The following CNTN3 variants were observed in gnomAD, a reference collection of about 807,000 sequenced individuals.
The protein encoded by CNTN3 is contactin-3.
A neutral mutation model predicts 119.1 loss-of-function variants in CNTN3; 60 were observed. That is an observed-to-expected ratio of 0.50 (90% confidence interval 0.41 to 0.62). The LOEUF (loss-of-function observed/expected upper bound fraction) is 0.62, where lower values mean the gene tolerates loss of function less well. CNTN3 is among the 20% of genes least tolerant of loss of function. CNTN3 has a pLI of 0.00. For synonymous variants in CNTN3, 450 were observed against 438.7 expected (o/e 1.03, Z -0.32); for missense variants, 1,101 against 1,242.4 (o/e 0.89, Z 1.71).
chr3:74,313,146 G>GA lies in CNTN3; in HGVS notation c.1669-10340dup, dbSNP rs1229836625. 2.0e-5 allele frequency among the ~76,000 whole-genome samples: 3 copies of GA among 151,544 alleles called. No individual in the cohort carries two copies. The East Asian group carries it at 5.8e-4, about 29-fold the overall frequency. On this transcript the variant is annotated intron_variant, in intron 13 of 22. Coordinates refer to ENST00000263665, the MANE Select transcript of CNTN3 (RefSeq NM_020872.3). The stretch of plus-strand genomic sequence containing the variant: ...CTTACAAAACAGAGAAAAACAGACT[G>GA]AAAAAAACAGAACAGAATATGCAAG...
chr3:74,299,314 T>C (rs1354462899), intron 17 of CNTN3, among the ~76,000 whole-genome samples: 1 of 150,442 alleles, frequency 6.6e-6, no homozygotes, highest in Non-Finnish European at 1.5e-5. Flanking sequence ...CAGGTAATTC[T>C]AGTACTTTTT....
At chr3:74,425,960 C>T (rs1701688998) in intron 4 of CNTN3, among the ~76,000 whole-genome samples, 1 of 151,958 alleles carries the variant, frequency 6.6e-6, no homozygotes, top group African/African-American at 2.4e-5. Context: ...TTTTTATAAG[C>T]ATCCAAAGAT....
intron 20 of CNTN3, among the ~76,000 whole-genome samples, chr3:74,278,204 A>C (rs1159951872): frequency 6.6e-6 from 1 of 152,188 alleles, no homozygotes; most frequent in East Asian, 1.9e-4. Context: ...AACAATCTAC[A>C]AATTCAATGC....
At chr3:74,434,312 C>A (rs1270336463) in intron 4 of CNTN3, among the ~76,000 whole-genome samples, 1 of 152,176 alleles carries the variant, frequency 6.6e-6, no homozygotes. Flanking sequence ...AAAATGAAAA[C>A]AATTATACAA....
chr3:74,595,170 T>C (rs1055032385), intron 1 of CNTN3, among the ~76,000 whole-genome samples: 14 of 151,828 alleles, frequency 9.2e-5, no homozygotes, highest in African/African-American at 3.2e-4. Context: ...TTGGTTTGAG[T>C]TCATTGTAGA....
intron 1 of CNTN3, among the ~76,000 whole-genome samples, chr3:74,558,716 T>G (rs1446570302): frequency 6.6e-6 from 1 of 152,070 alleles, no homozygotes; most frequent in Non-Finnish European, 1.5e-5. Context: ...GTGCAGTGGT[T>G]CACACCTGTA....
intron 1 of CNTN3, among the ~76,000 whole-genome samples, chr3:74,581,811 G>A (rs1704514159): frequency 6.6e-6 from 1 of 152,080 alleles, no homozygotes; most frequent in Non-Finnish European, 1.5e-5. Context: ...CCCACTATTA[G>A]GTCTTTTCTT....
intron 1 of CNTN3, among the ~76,000 whole-genome samples, chr3:74,572,527 A>C (rs1307448548): frequency 6.6e-6 from 1 of 152,184 alleles, no homozygotes; most frequent in African/African-American, 2.4e-5. Flanking sequence ...AGGAAAACGC[A>C]AAATGGTATA....
intron 5 of CNTN3, among the ~76,000 whole-genome samples, chr3:74,375,166 A>G (rs4677385): frequency 0.29 from 43,837 of 152,066 alleles, 7,258 homozygotes; most frequent in Non-Finnish European, 0.37. Flanking sequence ...ACAACCCCAG[A>G]AAATCAAGAG....
Position 74,285,356 on chromosome 3 carries a change from C to A in CNTN3, c.2653G>T (p.Ala885Ser). 6.2e-7 allele frequency: 1 copy of A among 1,613,200 alleles called. No individual in the cohort carries two copies. The highest frequency in any genetic ancestry group is 8.5e-7 in the Non-Finnish European group (1 of 1,179,586). Residue 885 changes from alanine (A) to serine (S), a missense_variant, in exon 20 of 23, where the codon GCC becomes TCC. Coordinates refer to ENST00000263665, the MANE Select transcript of CNTN3 (RefSeq NM_020872.3). Reference sequence around the variant, plus strand: ...GTGGCGCTAAAAGGCCCAGCGCCGGCACTGTTGTAAGCCCGGACAGCCGTG... The same window carrying A: ...GTGGCGCTAAAAGGCCCAGCGCCGGAACTGTTGTAAGCCCGGACAGCCGTG... ...YYTAVRAYNS[A>S]GAGPFSATVN...
intron 4 of CNTN3, among the ~76,000 whole-genome samples, chr3:74,425,294 A>C (rs1701678509): frequency 6.6e-6 from 1 of 152,164 alleles, no homozygotes; most frequent in South Asian, 2.1e-4. Context: ...TATGGTCATA[A>C]GTACCTAACA....
At chr3:74,527,735 T>G (rs945016688) in intron 1 of CNTN3, among the ~76,000 whole-genome samples, 1 of 151,936 alleles carries the variant, frequency 6.6e-6, no homozygotes, top group Non-Finnish European at 1.5e-5. Flanking sequence ...TCAAATTAAC[T>G]TGGCCAATTC....
chr3:74,493,016 G>A (rs895268660), intron 3 of CNTN3, among the ~76,000 whole-genome samples: 4 of 152,014 alleles, frequency 2.6e-5, no homozygotes, highest in African/African-American at 9.7e-5. Flanking sequence ...ACTAACCTCC[G>A]CATAGTCTTC....
chr3:74,565,244 C>T (rs1575833157), intron 1 of CNTN3, among the ~76,000 whole-genome samples: 2 of 152,150 alleles, frequency 1.3e-5, no homozygotes, highest in East Asian at 1.9e-4. Flanking sequence ...TCAGTAGAGC[C>T]ACTCTTCTCC....
At chr3:74,579,955 T>C (rs1704476998) in intron 1 of CNTN3, among the ~76,000 whole-genome samples, 3 of 152,040 alleles carry the variant, frequency 2.0e-5, no homozygotes, top group Admixed American at 6.6e-5. Flanking sequence ...TTTCTTTGAA[T>C]ATATATATAA....
intron 1 of CNTN3, among the ~76,000 whole-genome samples, chr3:74,521,702 G>A (rs1703546116): frequency 6.6e-6 from 1 of 151,802 alleles, no homozygotes; most frequent in African/African-American, 2.4e-5. Flanking sequence ...TATGTATGCT[G>A]TGTAAAACAG....
intron 4 of CNTN3, among the ~76,000 whole-genome samples, chr3:74,475,640 C>T (rs1421010113): frequency 6.6e-6 from 1 of 152,072 alleles, no homozygotes; most frequent in African/African-American, 2.4e-5. Flanking sequence ...TTATTTCAAC[C>T]AAAAATTCGA....
chr3:74,295,048 T>C (rs1003822455), intron 19 of CNTN3, 73 bp downstream of exon 19: 24 of 1,024,904 alleles, frequency 2.3e-5, no homozygotes, highest in Non-Finnish European at 3.2e-5. Context: ...AGGTCATTGT[T>C]AAGGGTTTTA....
intron 4 of CNTN3, among the ~76,000 whole-genome samples, chr3:74,476,260 G>A (rs1702653195): frequency 6.6e-6 from 1 of 152,134 alleles, no homozygotes; most frequent in Admixed American, 6.6e-5. Context: ...TTTCCCTTAG[G>A]AGCAATAGTT....
Sources: gnomAD v4.1 joint callset for allele counts (sites outside exome capture counted in the v4.1 genomes callset) on GRCh38, gnomAD v4.1.1 for gene constraint, MANE v1.5 for transcripts, NCBI Gene and HGNC (gene_info 2026-07-23, HGNC 2026-07-21) for gene names.